SLC14A2: variants seen among roughly 807,000 people sequenced by gnomAD.
The protein encoded by SLC14A2 is urea transporter 2.
Under a neutral mutation model 104.6 loss-of-function variants are expected in SLC14A2, and 91 were observed. That is an observed-to-expected ratio of 0.87 (90% CI 0.73 to 1.04). The LOEUF (loss-of-function observed/expected upper bound fraction) is 1.04. SLC14A2 is among the 50% of genes least tolerant of loss of function. The pLI is 0.00. For missense variants in SLC14A2, 1,189 were observed against 1,156.0 expected, an observed-to-expected ratio of 1.03 and a Z score of -0.41; for synonymous variants, 476 against 466.4, an observed-to-expected ratio of 1.02 and a Z score of -0.27.
chr18:45,420,384 G>T (rs2086330318), intron 1 of SLC14A2, among the ~76,000 whole-genome samples: 1 of 152,112 alleles, frequency 6.6e-6, no homozygotes. Flanking sequence ...ATGAGAGTGA[G>T]AATTATACAA....
chr18:45,215,207 T>C (rs1022171810), intron 1 of SLC14A2, among the ~76,000 whole-genome samples: 4 of 152,250 alleles, frequency 2.6e-5, no homozygotes, highest in African/African-American at 4.8e-5. Context: ...ACATTATTCA[T>C]GAGTTTAAGA....
At chr18:45,544,861 C>T (rs1465680006) in intron 2 of SLC14A2, among the ~76,000 whole-genome samples, 1 of 142,844 alleles carries the variant, frequency 7.0e-6, no homozygotes, top group African/African-American at 2.6e-5. Context: ...GGCACAATCG[C>T]GGCTCACTGC....
chr18:45,319,289 A>G (rs1475048284), intron 1 of SLC14A2, among the ~76,000 whole-genome samples: 4 of 152,194 alleles, frequency 2.6e-5, no homozygotes, highest in Non-Finnish European at 4.4e-5. Flanking sequence ...CTTGTTATAC[A>G]TATCTGCCTT....
intron 2 of SLC14A2, among the ~76,000 whole-genome samples, chr18:45,510,415 T>G (rs1431478124): frequency 6.6e-6 from 1 of 151,832 alleles, no homozygotes; most frequent in Non-Finnish European, 1.5e-5. Context: ...AAGACCAGGC[T>G]CTCCTATACT....
chr18:45,516,456 T>C (rs2043442829), intron 2 of SLC14A2, among the ~76,000 whole-genome samples: 1 of 152,188 alleles, frequency 6.6e-6, no homozygotes, highest in Non-Finnish European at 1.5e-5. Flanking sequence ...CCTAGACAGA[T>C]CTGTGATTTT....
At chr18:45,547,745 T>G (rs2043993781) in intron 2 of SLC14A2, among the ~76,000 whole-genome samples, 1 of 152,210 alleles carries the variant, frequency 6.6e-6, no homozygotes. Flanking sequence ...GGTAAAATAC[T>G]TACATAACTG....
intron 2 of SLC14A2, among the ~76,000 whole-genome samples, chr18:45,578,132 C>T (rs1453887439): frequency 1.3e-5 from 2 of 152,146 alleles, no homozygotes; most frequent in African/African-American, 2.4e-5. Flanking sequence ...CCTCTTTCTC[C>T]TTTAACCATT....
intron 1 of SLC14A2, among the ~76,000 whole-genome samples, chr18:45,398,077 C>CA (rs1411607256): frequency 1.3e-5 from 2 of 151,918 alleles, no homozygotes; most frequent in East Asian, 1.9e-4. Flanking sequence ...TTAATTTTTA[C>CA]AAAAAAAGTC....
At chr18:45,523,758 T>A (rs1212853000) in intron 2 of SLC14A2, among the ~76,000 whole-genome samples, 1 of 152,134 alleles carries the variant, frequency 6.6e-6, no homozygotes, top group African/African-American at 2.4e-5. Flanking sequence ...AGCAACTGCC[T>A]GGATCTCCAC....
At chr18:45,211,364 G>A (rs913798526), upstream of SLC14A2, among the ~76,000 whole-genome samples, 4 of 152,096 alleles carry the variant, frequency 2.6e-5, no homozygotes, top group African/African-American at 9.7e-5. Flanking sequence ...ACCAATCTTA[G>A]ACCAAACAGA....
At chr18:45,571,483 A>T in intron 2 of SLC14A2, among the ~76,000 whole-genome samples, 1 of 152,190 alleles carries the variant, frequency 6.6e-6, no homozygotes, top group Non-Finnish European at 1.5e-5. Flanking sequence ...AGTTTCAAGG[A>T]TTTACTGGTA....
At chr18:45,606,659 G>A (rs540106652) in intron 2 of SLC14A2, among the ~76,000 whole-genome samples, 95 of 147,870 alleles carry the variant, frequency 6.4e-4, no homozygotes, top group Non-Finnish European at 1.3e-4. Context: ...TAGCCAAAAA[G>A]AGCAGGAAAA....
intron 1 of SLC14A2, among the ~76,000 whole-genome samples, chr18:45,284,179 G>T (rs1021462103): frequency 5.9e-5 from 9 of 152,190 alleles, no homozygotes; most frequent in African/African-American, 2.2e-4. Flanking sequence ...AGGCATTACA[G>T]TGTGTTATAC....
At chr18:45,531,487 A>G (rs1277244765) in intron 2 of SLC14A2, among the ~76,000 whole-genome samples, 1 of 152,216 alleles carries the variant, frequency 6.6e-6, no homozygotes, top group Non-Finnish European at 1.5e-5. Flanking sequence ...TTTTGGCTGC[A>G]TAAATGTCTT....
Position 45,250,751 on chromosome 18 carries a change from C to CTGACTTTTTTTTTTTTTTTT in SLC14A2, c.-125+37561_-125+37562insGACTTTTTTTTTTTTTTTTT, listed in dbSNP as rs1165070845. Among the ~76,000 whole-genome samples the CTGACTTTTTTTTTTTTTTTT allele has an allele frequency of 2.1e-3, 234 of 113,826 alleles. 16 individuals are homozygous for CTGACTTTTTTTTTTTTTTTT. Among genetic ancestry groups the CTGACTTTTTTTTTTTTTTTT allele is most frequent in the African/African-American group, 4.9e-3 (125 of 25,484 alleles). The allele number at this position is 113,826 out of a possible 152,430, so 74.7% of individuals were successfully genotyped here. A position where few individuals can be genotyped will look rare whatever the true frequency, so the allele number is the denominator to read the frequency against. On this transcript the variant is annotated intron_variant, in intron 1 of 20. Transcript: ENST00000586448. Reference sequence around the variant, plus strand: ...AACTGAATCCTCTGGCTAGTGGCTTCTTCCTTTTTTTTTTTTTTTTTTTTT... The same window carrying CTGACTTTTTTTTTTTTTTTT: ...AACTGAATCCTCTGGCTAGTGGCTTCTGACTTTTTTTTTTTTTTTTTTCCTTTTTTTTTTTTTTTTTTTTT...
chr18:45,318,880 T>A (rs563117239), intron 1 of SLC14A2, among the ~76,000 whole-genome samples: 14 of 151,868 alleles, frequency 9.2e-5, no homozygotes, highest in Admixed American at 5.2e-4. Flanking sequence ...TCAGTGAATG[T>A]GAGGAAAGGC....
intron 1 of SLC14A2, among the ~76,000 whole-genome samples, chr18:45,271,763 T>C (rs1248947973): frequency 1.3e-5 from 2 of 152,086 alleles, no homozygotes; most frequent in Non-Finnish European, 2.9e-5. Context: ...CCTATCAAAA[T>C]ATCAATGACA....
intron 2 of SLC14A2, chr18:45,493,389 C>A (rs1257089590): frequency 6.6e-6 from 1 of 152,166 alleles, no homozygotes; most frequent in Admixed American, 6.5e-5. Context: ...AATATCTTGC[C>A]CTCATTTTAT....
At position 45,268,964 on chromosome 18, in the gene SLC14A2, T is replaced by TTGTGTGTG. The variant is rs3050837; in HGVS notation, c.-125+55789_-125+55796dup. Among the ~76,000 whole-genome samples the TTGTGTGTG allele has an allele frequency of 6.8e-3, 969 of 143,528 alleles. 10 individuals are homozygous for TTGTGTGTG. The highest frequency in any genetic ancestry group is 0.023 in the African/African-American group (847 of 36,530). 94.2% of individuals were successfully genotyped at this position (143,528 alleles called of 152,430 possible). ...TGCCTCCTTTATGCTGTTGGTGTGT[T>TTGTGTGTG]TGTGTGTGTGTGTGTGTGTGTGTAC... On this transcript the variant is annotated intron_variant, in intron 1 of 20. Transcript: ENST00000586448.
Sources: allele counts gnomAD v4.1 joint callset (sites outside exome capture counted in the v4.1 genomes callset), GRCh38; gene constraint gnomAD v4.1.1; transcripts MANE v1.5; gene names NCBI Gene and HGNC (gene_info 2026-07-23, HGNC 2026-07-21).